Variants in CES5A observed in about 807,000 individuals in gnomAD.
CES5A encodes carboxylesterase 5.
CES5A carries 67 observed loss-of-function variants against 62.9 expected under a neutral mutation model. The observed-to-expected ratio is 1.07, with a 90% CI of 0.88 to 1.31. CES5A has a LOEUF of 1.31. Among genes scored for constraint, CES5A ranks in the 50% most tolerant of loss-of-function variants. The pLI, the probability that CES5A is intolerant of heterozygous loss-of-function variation, is 0.00. For missense variants in CES5A, 748 were observed against 708.5 expected (o/e 1.06, Z -0.63); for synonymous variants, 296 against 280.8 (o/e 1.05, Z -0.54).
intron 1 of CES5A, among the ~76,000 whole-genome samples, chr16:55,922,790 T>G (rs539201623): frequency 6.6e-6 from 1 of 151,896 alleles, no homozygotes; most frequent in Non-Finnish European, 1.5e-5. Flanking sequence ...ATATATCAGG[T>G]GATAAAACAA....
chr16:55,912,482 G>A (rs1190007541), intron 1 of CES5A, among the ~76,000 whole-genome samples: 1 of 152,102 alleles, frequency 6.6e-6, no homozygotes, highest in African/African-American at 2.4e-5. Flanking sequence ...TCATGGAGGA[G>A]AAGGAGGAGG....
chr16:55,864,454 T>C (rs1349932944), intron 5 of CES5A, among the ~76,000 whole-genome samples: 1 of 152,194 alleles, frequency 6.6e-6, no homozygotes, highest in Non-Finnish European at 1.5e-5. Context: ...ATCAGGTGTG[T>C]TTGCTTCCAA....
In CES5A at chr16:55,880,818, C is replaced by T. The variant is rs146024488; in HGVS notation, c.-255-6781G>A. ...GAAAATGGCAGTCTCTGTTAATCAG[C>T]TATCAATACAGAGTACACTGTGAAA... On this transcript the variant is annotated intron_variant, in intron 1 of 12. Coordinates refer to the CES5A transcript ENST00000518005. Among the ~76,000 whole-genome samples the T allele has an allele frequency of 2.1e-3, 321 of 152,300 alleles. 2 individuals carry two copies. The highest frequency in any genetic ancestry group is 7.3e-3 in the African/African-American group (305 of 41,568).
upstream of CES5A, among the ~76,000 whole-genome samples, chr16:55,879,848 C>T (rs2033743706): frequency 6.6e-6 from 1 of 152,186 alleles, no homozygotes; most frequent in African/African-American, 2.4e-5. Flanking sequence ...CAGCTTCTGC[C>T]TCCCAAAGCT....
At position 55,894,511 on chromosome 16, in the gene CES5A, A is replaced by AAG. The variant is rs1555484113; in HGVS notation, c.-255-20475_-255-20474insCT. ...AAAACTCTGTCTCAAAAAAAAAAAA[A>AAG]AAAAGAAAAGAAAAGAAAAGAAATA... is the stretch of plus-strand genomic sequence containing the variant. On this transcript the variant is annotated intron_variant, in intron 1 of 12. Transcript: ENST00000518005. Among the ~76,000 whole-genome samples, 44 of 150,838 alleles carry AAG rather than the reference A, an allele frequency of 2.9e-4. 1 individual carries two copies. Among genetic ancestry groups the AAG allele is most frequent in the Non-Finnish European group, 4.9e-4 (33 of 67,726 alleles).
At position 55,899,453 on chromosome 16, in the gene CES5A, G is replaced by C. The variant is rs562486301; in HGVS notation, c.-255-25416C>G. On this transcript the variant is annotated intron_variant, in intron 1 of 12. Coordinates refer to the CES5A transcript ENST00000518005. ...CCATGAAAAATCCAACTTGGAAAGA[G>C]GATCCTGGATTCACATGGTAGTGTT... is the stretch of plus-strand genomic sequence containing the variant. Among the ~76,000 whole-genome samples the C allele has an allele frequency of 8.5e-5, 13 of 152,292 alleles. No individual in the cohort carries two copies. The East Asian group carries it at 2.3e-3, about 27-fold the overall frequency.
intron 1 of CES5A, among the ~76,000 whole-genome samples, chr16:55,950,966 G>A (rs1168208112): frequency 2.0e-5 from 3 of 151,956 alleles, no homozygotes; most frequent in African/African-American, 7.2e-5. Flanking sequence ...GCCAGGCGTG[G>A]TGGTGGGCGC....
At chr16:55,861,069 C>T (rs1210139296) in intron 7 of CES5A, among the ~76,000 whole-genome samples, 5 of 152,180 alleles carry the variant, frequency 3.3e-5, no homozygotes, top group African/African-American at 4.8e-5. Context: ...ACTAAAATGA[C>T]TTCCTAATAG....
chr16:55,900,554 T>A (rs555867807), intron 1 of CES5A, among the ~76,000 whole-genome samples: 1 of 152,310 alleles, frequency 6.6e-6, no homozygotes, highest in East Asian at 1.9e-4. Context: ...GGGGAACTTG[T>A]CTTCCAGGAA....
intron 1 of CES5A, among the ~76,000 whole-genome samples, chr16:55,874,848 T>G (rs761037034): frequency 1.1e-4 from 17 of 152,088 alleles, no homozygotes; most frequent in Non-Finnish European, 2.4e-4. Context: ...CAGCCAGGAG[T>G]GCAGAAGCAC....
chr16:55,876,470 C>G (rs926824809), upstream of CES5A, among the ~76,000 whole-genome samples: 3 of 152,066 alleles, frequency 2.0e-5, no homozygotes, highest in East Asian at 5.8e-4. Context: ...GAAAATCCGG[C>G]CTTTCTGTAC....
chr16:55,901,148 T>G (rs576605465), intron 1 of CES5A, among the ~76,000 whole-genome samples: 55 of 152,260 alleles, frequency 3.6e-4, no homozygotes, highest in Non-Finnish European at 4.6e-4. Flanking sequence ...GTTCTCATGA[T>G]AGTGACTAAG....
intron 11 of CES5A, among the ~76,000 whole-genome samples, chr16:55,849,101 C>T (rs2033076382): frequency 6.6e-6 from 1 of 152,124 alleles, no homozygotes; most frequent in South Asian, 2.1e-4. Context: ...TATTGATAAC[C>T]TCATCTGATT....
At chr16:55,908,907 C>T (rs1279551571) in intron 1 of CES5A, among the ~76,000 whole-genome samples, 2 of 152,220 alleles carry the variant, frequency 1.3e-5, no homozygotes, top group East Asian at 3.8e-4. Context: ...TTCTCAGGGG[C>T]TGAGGGCTGA....
chr16:55,890,202 G>A (rs1314649618), intron 1 of CES5A, among the ~76,000 whole-genome samples: 1 of 151,344 alleles, frequency 6.6e-6, no homozygotes, highest in East Asian at 1.9e-4. Flanking sequence ...AAGGCAGAAA[G>A]CTTAAGAAGA....
chr16:55,899,427 C>A (rs573333587), intron 1 of CES5A, among the ~76,000 whole-genome samples: 67 of 152,276 alleles, frequency 4.4e-4, no homozygotes, highest in African/African-American at 1.2e-3. Flanking sequence ...CTCAAGAGGC[C>A]CCATGAAAAA....
At chr16:55,861,164 G>A (rs1182220246) in intron 7 of CES5A, among the ~76,000 whole-genome samples, 1 of 152,178 alleles carries the variant, frequency 6.6e-6, no homozygotes, top group Non-Finnish European at 1.5e-5. Flanking sequence ...TGCTTTCAGG[G>A]ACTTAGAGAC....
rs538929234 is a variant in CES5A, at chr16:55,848,583, T to C, written c.1423+1041A>G. ...TGCAGTTTTCTTGTTATGAGGGAGG[T>C]TGAGTGGATGTTCGTATGTTTAGAA... On this transcript the variant is annotated intron_variant, in intron 11 of 12. Transcript: ENST00000290567. Among the ~76,000 whole-genome samples, 164 of 152,238 alleles carry C rather than the reference T, an allele frequency of 1.1e-3. 1 individual carries two copies. The highest frequency in any genetic ancestry group is 3.9e-3 in the South Asian group (19 of 4,812).
intron 1 of CES5A, among the ~76,000 whole-genome samples, chr16:55,892,479 G>A (rs187861214): frequency 3.9e-5 from 6 of 152,226 alleles, no homozygotes; most frequent in Admixed American, 6.5e-5. Flanking sequence ...ATATTTTACA[G>A]AGTTTGACTC....
Sources: gnomAD v4.1 joint callset for allele counts (sites outside exome capture counted in the v4.1 genomes callset) on GRCh38, gnomAD v4.1.1 for gene constraint, MANE v1.5 for transcripts, NCBI Gene and HGNC (gene_info 2026-07-23, HGNC 2026-07-21) for gene names.